The following ADGRV1 variants were observed in gnomAD, a reference collection of about 807,000 sequenced individuals.
The protein encoded by ADGRV1 is G-protein coupled receptor 98.
A neutral mutation model predicts 596.2 loss-of-function variants in ADGRV1; 359 were observed. That is an observed-to-expected ratio of 0.60 (90% CI 0.55 to 0.66). ADGRV1 has a LOEUF of 0.66. Ranked by LOEUF, ADGRV1 falls within the 30% of genes least tolerant of loss-of-function variation. ADGRV1 has a pLI of 0.00. For synonymous variants in ADGRV1, 2,681 were observed against 2,679.2 expected (o/e 1.00, Z -0.02); for missense variants, 7,274 against 7,575.6 (o/e 0.96, Z 1.48).
intron 85 of ADGRV1, among the ~76,000 whole-genome samples, chr5:91,048,626 C>G (rs1307497884): frequency 2.6e-5 from 4 of 152,102 alleles, no homozygotes; most frequent in Non-Finnish European, 4.4e-5. Context: ...AAAACTAATC[C>G]TTTCCTTTTC....
chr5:90,714,574 T>G (rs1268223561), intron 42 of ADGRV1, among the ~76,000 whole-genome samples: 1 of 152,088 alleles, frequency 6.6e-6, no homozygotes, highest in East Asian at 1.9e-4. Flanking sequence ...CTATTTTCAT[T>G]GTTTTGATTT....
chr5:90,569,240 C>T (rs932915965), intron 1 of ADGRV1, among the ~76,000 whole-genome samples: 5 of 151,258 alleles, frequency 3.3e-5, no homozygotes, highest in African/African-American at 1.2e-4. Flanking sequence ...GGTCCTACCT[C>T]TCAACACCGT....
chr5:90,776,376 G>A (rs1366689288), intron 60 of ADGRV1, 77 bp from the exon 61 acceptor site: 44 of 1,367,372 alleles, frequency 3.2e-5, no homozygotes, highest in Non-Finnish European at 4.3e-5. Context: ...TGTGTAAAGT[G>A]CTTAGAAAGT....
rs750796622 is a variant in ADGRV1 at position 90,693,995 on chromosome 5, T to C, written c.7239T>C (p.Ser2413=). The change falls in exon 33 of 90, where the codon TCT becomes TCC. Residue 2413 remains serine, a synonymous_variant. Transcript: ENST00000405460. ...EGQDLLSYYE[S]PIQGVPDPLW... ...AAGATTTACTGTCCTACTATGAATC[T>C]CCAATTCAAGGGGTGCCTGACCCAC... The C allele has an allele frequency of 1.2e-5, 20 of 1,613,506 alleles. No homozygotes were observed. In the East Asian group the frequency reaches 4.2e-4, roughly 34 times the overall value.
At position 91,131,976 on chromosome 5, in the gene ADGRV1, G is replaced by A. The variant is rs1794255895; in HGVS notation, c.18433-18054G>A. Among the ~76,000 whole-genome samples the A allele has an allele frequency of 2.6e-5, 4 of 152,202 alleles. No homozygotes were observed. The South Asian group carries it at 8.3e-4, about 32-fold the overall frequency. The stretch of plus-strand genomic sequence containing the variant: ...CCACTTTGAGTTAACTTTTGTATAT[G>A]GTGAGAGTTAGGAGTCCAGTTTCAT... On this transcript the variant is annotated intron_variant, in intron 87 of 89. Coordinates refer to ENST00000405460, the MANE Select transcript of ADGRV1 (RefSeq NM_032119.4).
intron 79 of ADGRV1, among the ~76,000 whole-genome samples, chr5:90,852,859 A>T (rs947408257): frequency 2.6e-5 from 4 of 152,154 alleles, no homozygotes; most frequent in Admixed American, 2.0e-4. Context: ...ATGGGCCTGG[A>T]TATATAAGGT....
At chr5:90,677,607 G>A (rs1214070509) in intron 25 of ADGRV1, among the ~76,000 whole-genome samples, 1 of 152,180 alleles carries the variant, frequency 6.6e-6, no homozygotes, top group Non-Finnish European at 1.5e-5. Context: ...AATTGTACAT[G>A]AAATGTTATT....
At chr5:90,906,881 A>G (rs761877878) in intron 83 of ADGRV1, among the ~76,000 whole-genome samples, 3 of 152,106 alleles carry the variant, frequency 2.0e-5, no homozygotes, top group Non-Finnish European at 2.9e-5. Context: ...GAATTGCTAG[A>G]CTCATGATCC....
At chr5:91,052,777 T>C (rs1786466426) in intron 85 of ADGRV1, among the ~76,000 whole-genome samples, 1 of 152,144 alleles carries the variant, frequency 6.6e-6, no homozygotes, top group African/African-American at 2.4e-5. Context: ...TAAAGATGTC[T>C]ATGTCACAGT....
intron 76 of ADGRV1, among the ~76,000 whole-genome samples, chr5:90,823,810 T>G (rs1050428009): frequency 1.3e-5 from 2 of 151,812 alleles, no homozygotes; most frequent in Admixed American, 1.3e-4. Context: ...ATTTTTCTAT[T>G]TTTTTGTTTC....
intron 81 of ADGRV1, among the ~76,000 whole-genome samples, chr5:90,854,526 C>T (rs1766839977): frequency 6.6e-6 from 1 of 152,174 alleles, no homozygotes; most frequent in Admixed American, 6.5e-5. Flanking sequence ...GAAATTCCTT[C>T]TTTTACCCTT....
At chr5:90,677,210 G>A (rs895049231) in intron 25 of ADGRV1, among the ~76,000 whole-genome samples, 9 of 152,102 alleles carry the variant, frequency 5.9e-5, no homozygotes, top group African/African-American at 2.2e-4. Context: ...GGAAAAATTG[G>A]TAGGACTGAG....
chr5:90,860,898 A>G (rs1767488527), intron 82 of ADGRV1, among the ~76,000 whole-genome samples: 2 of 152,184 alleles, frequency 1.3e-5, no homozygotes, highest in Admixed American at 1.3e-4. Context: ...GTGAAAGAGT[A>G]AACTTAAGTT....
intron 34 of ADGRV1, among the ~76,000 whole-genome samples, chr5:90,698,874 C>T (rs536113127): frequency 8.5e-5 from 13 of 152,060 alleles, no homozygotes; most frequent in South Asian, 4.1e-4. Flanking sequence ...CTGATTACTC[C>T]GTAATCAGTG....
chr5:90,671,684 A>G (rs1475015304), intron 21 of ADGRV1, among the ~76,000 whole-genome samples: 2 of 152,240 alleles, frequency 1.3e-5, no homozygotes, highest in African/African-American at 2.4e-5. Flanking sequence ...ATGGCATTTT[A>G]TATATTAAAA....
Position 90,728,855 on chromosome 5 carries a change from G to A in ADGRV1, c.10348G>A (p.Val3450Ile). ...GTTTATTAACTTTCAAGAGGTGCCT[G>A]TCAGTGGGACAACAGAAGTTGAGGC... ...SGFINFQEVP[V>I]SGTTEVEALS... The change falls in exon 49 of 90, where the codon GTC becomes ATC. Residue 3450 changes from valine to isoleucine, a missense_variant. Around this residue, in one of 5 missense-constraint regions of ADGRV1, gnomAD observed 3,643 missense variants for 3,809.2 expected, o/e 0.96. Transcript: ENST00000405460. 1 of 1,613,742 alleles carries A rather than the reference G, an allele frequency of 6.2e-7. No individual in the cohort carries two copies. The highest frequency in any genetic ancestry group is 8.5e-7 in the Non-Finnish European group (1 of 1,179,794).
intron 68 of ADGRV1, among the ~76,000 whole-genome samples, chr5:90,789,234 A>T (rs1759808121): frequency 6.6e-6 from 1 of 152,102 alleles, no homozygotes; most frequent in African/African-American, 2.4e-5. Flanking sequence ...TATCTCCAAA[A>T]TACCTTCACA....
chr5:90,711,063 A>G lies in ADGRV1; in HGVS notation c.8903+4A>G. ...TAATTGAATGGCAACAAAGCAGGTAAGGCCAAGGCTGCATGAGAGCCCTCT... is the reference window on the plus strand; with the variant it reads ...TAATTGAATGGCAACAAAGCAGGTAGGGCCAAGGCTGCATGAGAGCCCTCT... On this transcript the variant is annotated splice_donor_region_variant and intron_variant, in intron 40 of 89. Transcript: ENST00000405460. 3.7e-6 allele frequency: 6 copies of G among 1,605,368 alleles called. No homozygotes were observed. The highest frequency in any genetic ancestry group is 5.1e-6 in the Non-Finnish European group (6 of 1,174,756).
At chr5:90,946,066 A>C (rs1776552237) in intron 83 of ADGRV1, among the ~76,000 whole-genome samples, 1 of 152,216 alleles carries the variant, frequency 6.6e-6, no homozygotes, top group African/African-American at 2.4e-5. Context: ...ATCAAGGATT[A>C]TCTTCCGAAG....
Sources: allele counts gnomAD v4.1 joint callset (sites outside exome capture counted in the v4.1 genomes callset), GRCh38; gene constraint gnomAD v4.1.1; regional missense constraint gnomAD v4.1.1; transcripts MANE v1.5; gene names NCBI Gene and HGNC (gene_info 2026-07-23, HGNC 2026-07-21).